The following LGALS9B variants were observed in gnomAD, a reference collection of about 807,000 sequenced individuals.
LGALS9B encodes galectin-9B.
In LGALS9B, 8 loss-of-function variants were observed where a neutral mutation model predicts 35.9. The ratio of observed to expected loss-of-function variants is 0.22; its 90% CI spans 0.13 to 0.40. The LOEUF is 0.40. Ranked by LOEUF, LGALS9B falls within the 10% of genes least tolerant of loss-of-function variation. The pLI is 1.00. For missense variants in LGALS9B, 101 were observed against 397.9 expected (o/e 0.25, Z 6.35); for synonymous variants, 42 against 148.6 (o/e 0.28, Z 5.22).
In LGALS9B at chr17:20,451,899, G is replaced by A. The variant is rs2042652528; in HGVS notation, c.673-16C>T. 7 of 1,362,846 alleles carry A rather than the reference G, an allele frequency of 5.1e-6. 1 individual carries two copies. In the East Asian group the frequency reaches 1.1e-4, roughly 22 times the overall value. 84.4% of individuals were successfully genotyped at this position (1,362,846 alleles called of 1,614,324 possible). A position where few individuals can be genotyped will look rare whatever the true frequency, so the allele number is the denominator to read the frequency against. On this transcript the variant is annotated splice_polypyrimidine_tract_variant and intron_variant, in intron 8 of 10. Coordinates refer to ENST00000423676, the MANE Select transcript of LGALS9B (RefSeq NM_001367292.2). ...AAGGCATCGGCTGTCAGAAGGACGG[G>A]GACAGGTCAGCCAGTGGCAGCCAGG...
intron 4 of LGALS9B, among the ~76,000 whole-genome samples, chr17:20,456,200 A>G: frequency 6.6e-6 from 1 of 152,008 alleles, no homozygotes; most frequent in East Asian, 1.9e-4. Context: ...TGAGAGAGGC[A>G]AAGTTGCTTG....
chr17:20,458,110 AAAGGCC>A, intron 3 of LGALS9B, 67 bp downstream of exon 3: 1 of 1,435,668 alleles, frequency 7.0e-7, no homozygotes, highest in South Asian at 1.2e-5. Flanking sequence ...TGGTTACTTA[AAAGGCC>A]ATTCACATTC....
At position 20,467,417 on chromosome 17, in the gene LGALS9B, G is replaced by A. The variant is rs1257543059; in HGVS notation, c.39+15C>T. The A allele has an allele frequency of 2.2e-5, 14 of 647,062 alleles. 1 individual carries two copies. The highest frequency in any genetic ancestry group is 9.1e-5 in the East Asian group (3 of 32,876). 40.1% of individuals were successfully genotyped at this position (647,062 alleles called of 1,614,324 possible). The stretch of plus-strand genomic sequence containing the variant: ...CTGGCTGAGGCAGCCCTGTGCCCAC[G>A]GCCCTGGAACTCACTGGGCTCAGAT... On this transcript the variant is annotated intron_variant, in intron 1 of 10. Transcript: ENST00000423676.
intron 1 of LGALS9B, among the ~76,000 whole-genome samples, chr17:20,465,686 C>A (rs1301265424): frequency 1.8e-5 from 2 of 112,482 alleles, no homozygotes; most frequent in Non-Finnish European, 3.7e-5. Context: ...AGCTTCCCCC[C>A]AGCCCTCCAA....
At chr17:20,464,800 C>T (rs942854010) in intron 1 of LGALS9B, among the ~76,000 whole-genome samples, 4 of 151,996 alleles carry the variant, frequency 2.6e-5, no homozygotes, top group African/African-American at 9.7e-5. Flanking sequence ...CACTTCCCTC[C>T]TCTGAATGGC....
intron 1 of LGALS9B, among the ~76,000 whole-genome samples, chr17:20,464,072 T>TTTTG (rs1248303923): frequency 7.0e-6 from 1 of 142,236 alleles, no homozygotes; most frequent in African/African-American, 2.6e-5. Context: ...GTTTTGGGGG[T>TTTTG]TTTGTTTGTT....
At chr17:20,466,171 C>T (rs2042761478) in intron 1 of LGALS9B, among the ~76,000 whole-genome samples, 1 of 151,984 alleles carries the variant, frequency 6.6e-6, no homozygotes, top group South Asian at 2.1e-4. Flanking sequence ...CCAACACCGG[C>T]AGCCCGTTCC....
rs2042713379 is a variant in LGALS9B at position 20,459,600 on chromosome 17, G to A, written c.131+752C>T. Among the ~76,000 whole-genome samples the A allele has an allele frequency of 8.7e-5, 3 of 34,366 alleles. 1 individual carries two copies. In the South Asian group the frequency reaches 1.6e-3, roughly 19 times the overall value. 22.5% of individuals were successfully genotyped at this position (34,366 alleles called of 152,430 possible). A position where few individuals can be genotyped will look rare whatever the true frequency, so the allele number is the denominator to read the frequency against. On this transcript the variant is annotated intron_variant, in intron 2 of 10. Coordinates refer to ENST00000423676, the MANE Select transcript of LGALS9B (RefSeq NM_001367292.2). ...CAGAGGGTCTTAAGAGAGGTCCACT[G>A]GGACTGAGGCAGAGAGGCTTCCGAG...
chr17:20,460,990 C>G (rs1156535154), intron 1 of LGALS9B, among the ~76,000 whole-genome samples: 4 of 77,382 alleles, frequency 5.2e-5, no homozygotes, highest in Non-Finnish European at 9.3e-5. Context: ...TCCCCACCAC[C>G]ACCATATAAC....
rs375550562 is a variant in LGALS9B, at chr17:20,458,219, A to G, written c.297T>C (p.Phe99=). The G allele has an allele frequency of 2.5e-6, 4 of 1,613,240 alleles. No homozygotes were observed. In the African/African-American group the frequency reaches 5.4e-5, roughly 22 times the overall value. ...MHMPFQKGMP[F]DLCFLVQSSD... ...AGCTCTGCACCAGGAAGCAGAGGTC[A>G]AAGGGCATCCCCTTCTGGAAGGGCA... Residue 99 remains phenylalanine (F), a synonymous_variant, in exon 3 of 11, where the codon TTT becomes TTC. Transcript: ENST00000423676.
chr17:20,455,613 C>G (rs1026482150), intron 4 of LGALS9B, among the ~76,000 whole-genome samples: 19 of 136,268 alleles, frequency 1.4e-4, no homozygotes, highest in African/African-American at 4.3e-4. Context: ...CCCCTTCCAC[C>G]CGCAGGGGAG....
At position 20,449,937 on chromosome 17, in the gene LGALS9B, A is replaced by T; in HGVS notation, c.*36T>A. 1.8e-6 allele frequency: 2 copies of T among 1,130,308 alleles called. 1 individual carries two copies. Among genetic ancestry groups the T allele is most frequent in the Non-Finnish European group, 2.5e-6 (2 of 786,998 alleles). 70.0% of individuals were successfully genotyped at this position (1,130,308 alleles called of 1,614,324 possible). On this transcript the variant is annotated 3_prime_UTR_variant, in exon 11 of 11. Coordinates refer to ENST00000423676, the MANE Select transcript of LGALS9B (RefSeq NM_001367292.2). ...ATGATGAGAGGACCCCGACTGCCCC[A>T]CACCCCAGCCCCCGGCCCCAGGGCC...
intron 5 of LGALS9B, among the ~76,000 whole-genome samples, chr17:20,454,563 GCAAA>G (rs1452357278): frequency 6.8e-6 from 1 of 147,778 alleles, no homozygotes; most frequent in Admixed American, 6.8e-5. Flanking sequence ...GGACAGACAC[GCAAA>G]CAGTTACAAT....
chr17:20,449,763 C>T lies in LGALS9B; in HGVS notation c.*210G>A. On this transcript the variant is annotated 3_prime_UTR_variant, in exon 11 of 11. Coordinates refer to ENST00000423676, the MANE Select transcript of LGALS9B (RefSeq NM_001367292.2). ...ATTCCAGCAGCTGGCGCCCCAGGTG[C>T]TGCTGCGGCTGAGGAAGACAATCCC... 2.7e-6 allele frequency: 1 copy of T among 372,868 alleles called. No individual in the cohort carries two copies. 23.1% of individuals were successfully genotyped at this position (372,868 alleles called of 1,614,324 possible). A position where few individuals can be genotyped will look rare whatever the true frequency, so the allele number is the denominator to read the frequency against.
Sources: allele counts gnomAD v4.1 joint callset (sites outside exome capture counted in the v4.1 genomes callset), GRCh38; gene constraint gnomAD v4.1.1; transcripts MANE v1.5; gene names NCBI Gene and HGNC (gene_info 2026-07-23, HGNC 2026-07-21).